The following SYN3 variants were observed in gnomAD, a reference collection of about 807,000 sequenced individuals.
SYN3 encodes the protein synapsin III.
SYN3 carries 35 observed loss-of-function variants against 65.8 expected under a neutral mutation model. The ratio of observed to expected loss-of-function variants is 0.53; its 90% CI spans 0.41 to 0.70. The LOEUF (loss-of-function observed/expected upper bound fraction) is 0.70, where lower values mean the gene tolerates loss of function less well. Among genes scored for constraint, SYN3 ranks in the 30% least tolerant of loss-of-function variants. The pLI, the probability that SYN3 is intolerant of heterozygous loss-of-function variation, is 0.00. For synonymous variants in SYN3, 270 were observed against 292.9 expected (o/e 0.92, Z 0.80); for missense variants, 680 against 749.0 (o/e 0.91, Z 1.08).
At chr22:32,774,782 T>C (rs763439931) in intron 6 of SYN3, among the ~76,000 whole-genome samples, 2 of 152,138 alleles carry the variant, frequency 1.3e-5, no homozygotes, top group Non-Finnish European at 1.5e-5. Context: ...TTAGTAGAGA[T>C]GGGGTTTCTC....
intron 6 of SYN3, among the ~76,000 whole-genome samples, chr22:32,781,444 A>T (rs890856436): frequency 1.3e-5 from 2 of 152,244 alleles, no homozygotes; most frequent in Middle Eastern, 3.4e-3. Context: ...AATAGGCTAC[A>T]TGGCCTTGGA....
rs1322166711 is a variant in SYN3 at position 32,931,437 on chromosome 22, GC to G, written c.413del (p.Gly138AlafsTer9). On this transcript the variant is annotated frameshift_variant, in exon 4 of 14. Coordinates refer to ENST00000358763, the MANE Select transcript of SYN3 (RefSeq NM_003490.4). LOFTEE classifies it high-confidence loss of function. ...TCACGACCTGCATGTCCACCATGCA[GC>G]CCCCGGTCACATAGGCAGCTAGGTT... The part of the protein sequence containing the change: ...ELNLAAYVTG[G>X]CMVDMQVVRN... The G allele has an allele frequency of 6.2e-7, 1 of 1,613,930 alleles. No individual in the cohort carries two copies. Among genetic ancestry groups the G allele is most frequent in the Non-Finnish European group, 8.5e-7 (1 of 1,179,880 alleles).
intron 6 of SYN3, among the ~76,000 whole-genome samples, chr22:32,723,152 G>A (rs1057048437): frequency 2.0e-5 from 3 of 152,304 alleles, no homozygotes; most frequent in East Asian, 1.9e-4. Context: ...GCCATCTGCC[G>A]CCAGAAAGGT....
chr22:32,721,013 C>T (rs990605519), intron 6 of SYN3, among the ~76,000 whole-genome samples: 1 of 152,224 alleles, frequency 6.6e-6, no homozygotes, highest in African/African-American at 2.4e-5. Context: ...TGGGGGCTTT[C>T]CTTTGCCTCC....
At chr22:33,000,901 A>AG (rs1569395179) in intron 2 of SYN3, among the ~76,000 whole-genome samples, 1 of 152,194 alleles carries the variant, frequency 6.6e-6, no homozygotes, top group Non-Finnish European at 1.5e-5. Context: ...TCCTGGTGGC[A>AG]GGGGACAGGC....
intron 3 of SYN3, among the ~76,000 whole-genome samples, chr22:32,973,859 G>A (rs556103696): frequency 6.6e-6 from 1 of 152,176 alleles, no homozygotes; most frequent in Non-Finnish European, 1.5e-5. Context: ...GACGATCTTC[G>A]CCCACTGCAA....
At chr22:33,009,256 G>A (rs908876627) in intron 1 of SYN3, among the ~76,000 whole-genome samples, 16 of 152,128 alleles carry the variant, frequency 1.1e-4, no homozygotes, top group African/African-American at 1.9e-4. Flanking sequence ...GAGAGTTCCC[G>A]TTCCTCCACA....
chr22:32,642,625 C>T (rs907187479), intron 6 of SYN3, among the ~76,000 whole-genome samples: 2 of 151,692 alleles, frequency 1.3e-5, no homozygotes, highest in African/African-American at 4.8e-5. Context: ...TATTTTTAGT[C>T]GAGATGGGGT....
intron 2 of SYN3, among the ~76,000 whole-genome samples, chr22:32,993,965 C>T (rs575362761): frequency 4.6e-5 from 7 of 152,122 alleles, no homozygotes; most frequent in African/African-American, 1.4e-4. Context: ...CTCCTGTTTC[C>T]GAGGGTGAAG....
At chr22:32,638,769 G>A (rs1017349447) in intron 6 of SYN3, among the ~76,000 whole-genome samples, 1 of 152,110 alleles carries the variant, frequency 6.6e-6, no homozygotes, top group African/African-American at 2.4e-5. Context: ...TAAGTTGTCT[G>A]TTTACTCTGC....
At chr22:32,620,385 C>T (rs1350354157) in intron 6 of SYN3, among the ~76,000 whole-genome samples, 1 of 152,138 alleles carries the variant, frequency 6.6e-6, no homozygotes, top group Non-Finnish European at 1.5e-5. Flanking sequence ...AATCTTGTGG[C>T]TTCCATTTTC....
intron 10 of SYN3, among the ~76,000 whole-genome samples, chr22:32,532,456 G>T (rs1485497024): frequency 6.6e-6 from 1 of 152,306 alleles, no homozygotes; most frequent in East Asian, 1.9e-4. Context: ...AACTTCAGGT[G>T]TGGTGGCGGC....
intron 5 of SYN3, 130 bp downstream of exon 5, chr22:32,868,836 G>A: frequency 4.7e-6 from 3 of 640,910 alleles, no homozygotes; most frequent in Non-Finnish European, 7.1e-6. Flanking sequence ...TAGGATCCAA[G>A]TTCAGTTCAG....
chr22:32,833,737 ACTT>A (rs2047645837), intron 6 of SYN3: 2 of 493,352 alleles, frequency 4.1e-6, no homozygotes, highest in East Asian at 6.9e-5. Context: ...GGGGAGAGTC[ACTT>A]CTTCTTTACA....
chr22:32,954,782 T>C (rs998298737), intron 3 of SYN3, among the ~76,000 whole-genome samples: 8 of 150,994 alleles, frequency 5.3e-5, no homozygotes, highest in Non-Finnish European at 8.8e-5. Flanking sequence ...CTGCAGACCA[T>C]AGTGAGGGGA....
At chr22:32,834,793 C>T (rs569183547) in intron 6 of SYN3, among the ~76,000 whole-genome samples, 20 of 152,224 alleles carry the variant, frequency 1.3e-4, no homozygotes, top group Admixed American at 4.6e-4. Flanking sequence ...AGGGTACCAT[C>T]CTGGCACCTG....
chr22:32,805,668 C>A (rs130269), intron 6 of SYN3, among the ~76,000 whole-genome samples: 1 of 149,548 alleles, frequency 6.7e-6, no homozygotes, highest in Non-Finnish European at 1.5e-5. Context: ...GTATTGCACC[C>A]ATTTTTCAGA....
At chr22:32,944,804 C>T (rs549940077) in intron 3 of SYN3, among the ~76,000 whole-genome samples, 2 of 152,332 alleles carry the variant, frequency 1.3e-5, no homozygotes, top group Middle Eastern at 3.4e-3. Context: ...CCCATCGTCT[C>T]AGCCCAAAAT....
chr22:32,725,681 G>A (rs2061180887), intron 6 of SYN3, among the ~76,000 whole-genome samples: 1 of 152,168 alleles, frequency 6.6e-6, no homozygotes. Context: ...CTCCAGAGCT[G>A]GAAAAGATCA....
Sources: gnomAD v4.1 joint callset for allele counts (sites outside exome capture counted in the v4.1 genomes callset) on GRCh38, gnomAD v4.1.1 for gene constraint, MANE v1.5 for transcripts, NCBI Gene and HGNC (gene_info 2026-07-23, HGNC 2026-07-21) for gene names.